Variants in KSR2 observed in about 807,000 individuals in gnomAD.
KSR2 encodes the protein kinase suppressor of ras 2.
KSR2 carries 25 observed loss-of-function variants against 107.8 expected under a neutral mutation model. The ratio of observed to expected loss-of-function variants is 0.23; its 90% confidence interval spans 0.17 to 0.32. KSR2 has a LOEUF of 0.32. KSR2 is among the 10% of genes least tolerant of loss of function. KSR2 has a pLI of 1.00. For synonymous variants in KSR2, 480 were observed against 507.0 expected, an observed-to-expected ratio of 0.95 and a Z score of 0.71; for missense variants, 887 against 1,268.9, an observed-to-expected ratio of 0.70 and a Z score of 4.57.
In KSR2 at chr12:117,861,534, G is replaced by A. The variant is rs1304366489; in HGVS notation, c.181-1103C>T. On this transcript the variant is annotated intron_variant, in intron 1 of 19. Transcript: ENST00000339824. ...CTCCCGAGTAGCTGGGACTACAGGC[G>A]CCCGCCACCACACCCGGCTAATTTT... Among the ~76,000 whole-genome samples, 8 of 151,606 alleles carry A rather than the reference G, an allele frequency of 5.3e-5. No homozygotes were observed. In the South Asian group the frequency reaches 1.0e-3, roughly 20 times the overall value.
intron 3 of KSR2, among the ~76,000 whole-genome samples, chr12:117,834,488 A>G (rs1370312416): frequency 6.6e-6 from 1 of 151,906 alleles, no homozygotes; most frequent in Non-Finnish European, 1.5e-5. Flanking sequence ...TGAATGAAAA[A>G]AGAAACTGTC....
At chr12:117,491,055 C>T (rs1013550241) in intron 14 of KSR2, among the ~76,000 whole-genome samples, 5 of 152,126 alleles carry the variant, frequency 3.3e-5, no homozygotes, top group African/African-American at 1.2e-4. Flanking sequence ...AGTTCTGTGG[C>T]CTTTGATCAA....
intron 17 of KSR2, among the ~76,000 whole-genome samples, chr12:117,473,146 AG>A (rs1335798458): frequency 6.6e-6 from 1 of 152,086 alleles, no homozygotes; most frequent in African/African-American, 2.4e-5. Context: ...GCCACAATAA[AG>A]GCTCTTCCCA....
At chr12:117,867,062 T>G (rs769659659) in intron 1 of KSR2, among the ~76,000 whole-genome samples, 35 of 152,072 alleles carry the variant, frequency 2.3e-4, no homozygotes, top group Non-Finnish European at 1.5e-5. Flanking sequence ...AAACCTGCAA[T>G]CCCAGCACCT....
chr12:117,793,534 C>T (rs1169203867), intron 3 of KSR2, among the ~76,000 whole-genome samples: 1 of 139,730 alleles, frequency 7.2e-6, no homozygotes, highest in Non-Finnish European at 1.5e-5. Flanking sequence ...CACCAACGTG[C>T]ACTCACGCCA....
At chr12:117,732,818 G>GT (rs1887784431) in intron 4 of KSR2, among the ~76,000 whole-genome samples, 1 of 152,166 alleles carries the variant, frequency 6.6e-6, no homozygotes, top group African/African-American at 2.4e-5. Flanking sequence ...GACCACAAGC[G>GT]TTTTAAATTA....
chr12:117,674,165 T>A (rs1885024300), intron 4 of KSR2: 2 of 418,804 alleles, frequency 4.8e-6, no homozygotes, highest in African/African-American at 2.1e-5. Context: ...GATGCCCAAT[T>A]TACATACAGT....
At chr12:117,542,020 G>C (rs1876527593) in intron 9 of KSR2, among the ~76,000 whole-genome samples, 1 of 151,996 alleles carries the variant, frequency 6.6e-6, no homozygotes, top group Admixed American at 6.6e-5. Context: ...TGAGTACCTG[G>C]GACCACAAGC....
intron 4 of KSR2, among the ~76,000 whole-genome samples, chr12:117,688,891 G>C (rs1251488159): frequency 6.6e-6 from 1 of 152,112 alleles, no homozygotes; most frequent in African/African-American, 2.4e-5. Flanking sequence ...AACTCATTTA[G>C]CAGATCTCCT....
chr12:117,948,341 T>C (rs1298258269), intron 1 of KSR2, among the ~76,000 whole-genome samples: 1 of 151,772 alleles, frequency 6.6e-6, no homozygotes, highest in Non-Finnish European at 1.5e-5. Flanking sequence ...TACAAAAAAA[T>C]TAGCTGGGCG....
chr12:117,709,013 CT>C (rs994746868), intron 4 of KSR2, among the ~76,000 whole-genome samples: 1 of 152,132 alleles, frequency 6.6e-6, no homozygotes. Flanking sequence ...ATCACATCTC[CT>C]TTTTTCTAAT....
At chr12:117,682,377 T>C (rs1393446070) in intron 4 of KSR2, among the ~76,000 whole-genome samples, 1 of 152,082 alleles carries the variant, frequency 6.6e-6, no homozygotes, top group Non-Finnish European at 1.5e-5. Flanking sequence ...CACATTTACC[T>C]ATGTGACAAA....
chr12:117,662,588 C>A, intron 5 of KSR2, among the ~76,000 whole-genome samples: 1 of 152,218 alleles, frequency 6.6e-6, no homozygotes, highest in Non-Finnish European at 1.5e-5. Context: ...AGAGGGGCTG[C>A]CGTCTTTCAA....
rs1321254425 is a variant in KSR2 at position 117,897,705 on chromosome 12, G to T, written c.181-37274C>A. On this transcript the variant is annotated intron_variant, in intron 1 of 19. Coordinates refer to ENST00000339824, the MANE Select transcript of KSR2 (RefSeq NM_173598.6). The surrounding 1 kb of genome is among the most constrained non-coding windows in gnomAD (Gnocchi z 4.5). ...TAAATGTGAGCTAGGTGACTTGGGT[G>T]CTAGCTCTTTGCAAGGCTAAGAAAC... Among the ~76,000 whole-genome samples the T allele has an allele frequency of 6.6e-6, 1 of 152,070 alleles. No individual in the cohort carries two copies. The highest frequency in any genetic ancestry group is 1.5e-5 in the Non-Finnish European group (1 of 68,010).
chr12:117,945,030 A>T (rs1189940779), intron 1 of KSR2, among the ~76,000 whole-genome samples: 1 of 152,214 alleles, frequency 6.6e-6, no homozygotes, highest in African/African-American at 2.4e-5. Flanking sequence ...AACCATCCTA[A>T]ATGTGTACAC....
intron 1 of KSR2, among the ~76,000 whole-genome samples, chr12:117,966,266 GGACTCCT>G (rs1200703795): frequency 2.6e-5 from 4 of 152,114 alleles, no homozygotes; most frequent in Non-Finnish European, 5.9e-5. Context: ...CTAGCATTTG[GGACTCCT>G]GATTCAGAGG....
intron 4 of KSR2, among the ~76,000 whole-genome samples, chr12:117,760,665 G>T (rs1888969101): frequency 6.6e-6 from 1 of 152,140 alleles, no homozygotes; most frequent in African/African-American, 2.4e-5. Context: ...CAGCTTTGTG[G>T]GCTATTCTCA....
chr12:117,621,219 C>T (rs375727925), intron 5 of KSR2, among the ~76,000 whole-genome samples: 1 of 152,194 alleles, frequency 6.6e-6, no homozygotes, highest in African/African-American at 2.4e-5. Flanking sequence ...TTACCTGCCA[C>T]CATGTAAGAC....
Position 117,485,587 on chromosome 12 carries a change from G to A in KSR2, c.2316+8C>T, listed in dbSNP as rs374762539. Reference sequence around the variant, plus strand: ...GATTTAGATAGGAGGCCCAAGAGCCGACAGTACCTTCACAATTTCTTGAGC... The same window carrying A: ...GATTTAGATAGGAGGCCCAAGAGCCAACAGTACCTTCACAATTTCTTGAGC... On this transcript the variant is annotated splice_region_variant and intron_variant, in intron 15 of 19. Transcript: ENST00000339824. 4.3e-5 allele frequency: 69 copies of A among 1,610,736 alleles called. No homozygotes were observed. The African/African-American group carries it at 5.6e-4, about 13-fold the overall frequency.
Sources: allele counts gnomAD v4.1 joint callset (sites outside exome capture counted in the v4.1 genomes callset), GRCh38; gene constraint gnomAD v4.1.1; non-coding constraint Gnocchi (gnomAD v3.1); transcripts MANE v1.5; gene names NCBI Gene and HGNC (gene_info 2026-07-23, HGNC 2026-07-21).